The following ANXA13 variants were observed in gnomAD, a reference collection of about 807,000 sequenced individuals.
ANXA13 encodes the protein annexin XIII.
A neutral mutation model predicts 46.6 loss-of-function variants in ANXA13; 36 were observed. The observed-to-expected ratio is 0.77, with a 90% CI of 0.59 to 1.02. The LOEUF (loss-of-function observed/expected upper bound fraction) is 1.02. ANXA13 is among the 50% of genes least tolerant of loss of function. The pLI, the probability that ANXA13 is intolerant of heterozygous loss-of-function variation, is 0.00. For synonymous variants in ANXA13, 163 were observed against 152.9 expected (o/e 1.07, Z -0.49); for missense variants, 417 against 396.5 (o/e 1.05, Z -0.44).
intron 9 of ANXA13, 42 bp downstream of exon 9, chr8:123,688,829 G>T: frequency 6.4e-7 from 1 of 1,574,466 alleles, no homozygotes; most frequent in Non-Finnish European, 8.7e-7. Flanking sequence ...CTGGTTCCAG[G>T]CAGCCCAACC....
At chr8:123,708,152 C>G (rs1288145576) in intron 2 of ANXA13, among the ~76,000 whole-genome samples, 1 of 152,178 alleles carries the variant, frequency 6.6e-6, no homozygotes, top group Non-Finnish European at 1.5e-5. Flanking sequence ...TTTGAGGCAC[C>G]AGGGCCAGTC....
chr8:123,737,327 T>C lies in ANXA13; in HGVS notation c.8A>G (p.Asn3Ser). The C allele has an allele frequency of 1.9e-6, 3 of 1,611,602 alleles. No individual in the cohort carries two copies. The highest frequency in any genetic ancestry group is 1.7e-6 in the Non-Finnish European group (2 of 1,178,636). ...AAGGCAATGAGTACTTACATGACGA[T>C]TGCCCATTTTCCTTTTTCTGAGATG... MG[N>S]RHAKASSPQG... The change falls in exon 1 of 11, where the codon AAT becomes AGT. Residue 3 changes from asparagine to serine, a missense_variant. Coordinates refer to ENST00000419625, the MANE Select transcript of ANXA13 (RefSeq NM_004306.4).
chr8:123,684,613 G>C lies in ANXA13; in HGVS notation c.828C>G (p.Ala276=). Residue 276 remains alanine, a synonymous_variant, in exon 10 of 11, where the codon GCC becomes GCG. Transcript: ENST00000419625. ...ETLIRIVVTR[A]EVDLQGIKAK... ...TTGGAGTCGGAGTGTGTCTTACCTCGGCCCTGGTCACGACTATGCGAATCA... is the reference window on the plus strand; with the variant it reads ...TTGGAGTCGGAGTGTGTCTTACCTCCGCCCTGGTCACGACTATGCGAATCA... 6.2e-7 allele frequency: 1 copy of C among 1,610,764 alleles called. No homozygotes were observed. Among genetic ancestry groups the C allele is most frequent in the Non-Finnish European group, 8.5e-7 (1 of 1,177,056 alleles).
intron 1 of ANXA13, among the ~76,000 whole-genome samples, chr8:123,717,885 C>T (rs903173276): frequency 6.6e-6 from 1 of 152,226 alleles, no homozygotes; most frequent in Admixed American, 6.5e-5. Flanking sequence ...CAGATGCGCT[C>T]GTGCTTGGCT....
intron 1 of ANXA13, among the ~76,000 whole-genome samples, chr8:123,722,374 G>A (rs931041280): frequency 1.8e-5 from 2 of 110,480 alleles, no homozygotes; most frequent in Admixed American, 8.3e-5. Context: ...AAGAAAGAAA[G>A]AAAGAAAGAA....
intron 3 of ANXA13, among the ~76,000 whole-genome samples, chr8:123,702,063 T>C (rs78170390): frequency 1.9e-3 from 289 of 152,346 alleles, no homozygotes; most frequent in African/African-American, 6.8e-3. Context: ...GATATTCATT[T>C]TGCATAATGA....
At chr8:123,696,572 C>A (rs1268806564) in intron 4 of ANXA13, among the ~76,000 whole-genome samples, 4 of 152,040 alleles carry the variant, frequency 2.6e-5, no homozygotes, top group Non-Finnish European at 5.9e-5. Context: ...CCCCCACCAC[C>A]AAGCTGGTTA....
At chr8:123,697,431 T>G (rs975063247) in intron 4 of ANXA13, among the ~76,000 whole-genome samples, 1 of 152,122 alleles carries the variant, frequency 6.6e-6, no homozygotes, top group African/African-American at 2.4e-5. Context: ...TGGAGGATTT[T>G]TATTATCTTG....
chr8:123,704,248 C>T (rs16898754), intron 2 of ANXA13, among the ~76,000 whole-genome samples: 14,194 of 151,960 alleles, frequency 0.093, 1,380 homozygotes, highest in African/African-American at 0.25. Flanking sequence ...GGGATCAAGG[C>T]ACAGCAGTCA....
At position 123,688,851 on chromosome 8, in the gene ANXA13, C is replaced by T. The variant is rs1244297031; in HGVS notation, c.718+20G>A. On this transcript the variant is annotated intron_variant, in intron 9 of 10. Coordinates refer to ENST00000419625, the MANE Select transcript of ANXA13 (RefSeq NM_004306.4). ...CAGGCAGCCCAACCTAAGACAGGAGCTCTCCTAACTTTACTTTACCGAGAG... is the reference window on the plus strand; with the variant it reads ...CAGGCAGCCCAACCTAAGACAGGAGTTCTCCTAACTTTACTTTACCGAGAG... 1.9e-6 allele frequency: 3 copies of T among 1,611,184 alleles called. No homozygotes were observed. The highest frequency in any genetic ancestry group is 1.7e-5 in the Admixed American group (1 of 59,998).
At chr8:123,709,929 T>G (rs941586578) in intron 2 of ANXA13, among the ~76,000 whole-genome samples, 1 of 152,130 alleles carries the variant, frequency 6.6e-6, no homozygotes, top group Non-Finnish European at 1.5e-5. Context: ...CGGCCAATTT[T>G]TATATTTTTA....
At chr8:123,717,970 A>G (rs7006867) in intron 1 of ANXA13, among the ~76,000 whole-genome samples, 8,841 of 152,282 alleles carry the variant, frequency 0.058, 358 homozygotes, top group African/African-American at 0.11. Flanking sequence ...TCACGCCCAG[A>G]CTCGCACCCA....
At chr8:123,726,735 G>A (rs1324413067) in intron 1 of ANXA13, among the ~76,000 whole-genome samples, 1 of 152,202 alleles carries the variant, frequency 6.6e-6, no homozygotes, top group Non-Finnish European at 1.5e-5. Flanking sequence ...GTCATTATAT[G>A]AAAAAGATAC....
intron 1 of ANXA13, among the ~76,000 whole-genome samples, chr8:123,722,372 AAGAAAG>A (rs1266595588): frequency 6.9e-6 from 1 of 145,714 alleles, no homozygotes; most frequent in Non-Finnish European, 1.5e-5. Context: ...GAAAGAAAGA[AAGAAAG>A]AAAGAAAGAA....
At position 123,681,303 on chromosome 8, in the gene ANXA13, A is replaced by G; in HGVS notation, c.888T>C (p.Ser296=). The change falls in exon 11 of 11, where the codon TCT becomes TCC. Residue 296 remains serine, a synonymous_variant. Transcript: ENST00000419625. ...KFQEKYQKSL[S]DMVRSDTSGD... is the part of the protein sequence containing the mutation. The stretch of plus-strand genomic sequence containing the variant: ...CGGAGGTATCTGAGCGAACCATGTC[A>G]GAGAGAGACTTCTGATACTTCTCTT... The G allele has an allele frequency of 6.2e-7, 1 of 1,614,220 alleles. No homozygotes were observed. Among genetic ancestry groups the G allele is most frequent in the African/African-American group, 1.3e-5 (1 of 75,068 alleles).
intron 8 of ANXA13, among the ~76,000 whole-genome samples, chr8:123,691,392 T>C (rs1813238233): frequency 6.6e-6 from 1 of 152,180 alleles, no homozygotes; most frequent in Non-Finnish European, 1.5e-5. Flanking sequence ...GCTGGTTTCA[T>C]GTAAAGAATC....
At chr8:123,737,031 T>A (rs11990405) in intron 1 of ANXA13, among the ~76,000 whole-genome samples, 1,554 of 138,516 alleles carry the variant, frequency 0.011, 26 homozygotes, top group African/African-American at 0.036. Context: ...TTTTTTTTTT[T>A]AATTTTTTTA....
At position 123,695,411 on chromosome 8, in the gene ANXA13, T is replaced by G. The variant is rs945293093; in HGVS notation, c.471+91A>C. Reference sequence around the variant, plus strand: ...ATATTTTTAATATAAGAAAGAAATGTTTATCTACGTTACCCTTTTTCATCA... The same window carrying G: ...ATATTTTTAATATAAGAAAGAAATGGTTATCTACGTTACCCTTTTTCATCA... On this transcript the variant is annotated intron_variant, in intron 6 of 10. Transcript: ENST00000419625. 4.2e-6 allele frequency: 4 copies of G among 943,308 alleles called. No individual in the cohort carries two copies. In the African/African-American group the frequency reaches 6.6e-5, roughly 16 times the overall value. The allele number at this position is 943,308 out of a possible 1,614,324, so 58.4% of individuals were successfully genotyped here.
At chr8:123,714,740 C>A (rs549502469) in intron 1 of ANXA13, among the ~76,000 whole-genome samples, 13 of 152,212 alleles carry the variant, frequency 8.5e-5, no homozygotes, top group African/African-American at 3.1e-4. Flanking sequence ...TGCCCCATCT[C>A]GCAGCATCTG....
Sources: allele counts gnomAD v4.1 joint callset (sites outside exome capture counted in the v4.1 genomes callset), GRCh38; gene constraint gnomAD v4.1.1; transcripts MANE v1.5; gene names NCBI Gene and HGNC (gene_info 2026-07-23, HGNC 2026-07-21).